PCDHGA2: variants seen among roughly 807,000 people sequenced by gnomAD.
PCDHGA2 encodes protocadherin gamma subfamily A, 2.
A neutral mutation model predicts 59.2 loss-of-function variants in PCDHGA2; 40 were observed. That is an observed-to-expected ratio of 0.68 (90% CI 0.52 to 0.88). The LOEUF (loss-of-function observed/expected upper bound fraction) is 0.88. PCDHGA2 is among the 40% of genes least tolerant of loss of function. The probability of loss-of-function intolerance (pLI) is 0.00; values close to 1 mark genes in which losing one functional copy is unlikely to be tolerated. For synonymous variants in PCDHGA2, 560 were observed against 526.0 expected (o/e 1.06, Z -0.89); for missense variants, 1,226 against 1,204.0 (o/e 1.02, Z -0.27).
In PCDHGA2 at chr5:141,499,676, C is replaced by G. The variant is rs534287777; in HGVS notation, c.2483+4811C>G. On this transcript the variant is annotated intron_variant, in intron 2 of 3. Coordinates refer to ENST00000394576, the MANE Select transcript of PCDHGA2 (RefSeq NM_018915.4). Reference sequence around the variant, plus strand: ...ATAATTTCATCTTGGTCTCCACCATCTTTAACAGATGACTTTTTTTTTTTT... The same window carrying G: ...ATAATTTCATCTTGGTCTCCACCATGTTTAACAGATGACTTTTTTTTTTTT... Among the ~76,000 whole-genome samples, 13 of 144,474 alleles carry G rather than the reference C, an allele frequency of 9.0e-5. No homozygotes were observed. In the South Asian group the frequency reaches 2.9e-3, roughly 33 times the overall value. The allele number at this position is 144,474 out of a possible 152,430, so 94.8% of individuals were successfully genotyped here.
intron 1 of PCDHGA2, chr5:141,397,905 G>C: frequency 1.5e-6 from 1 of 659,508 alleles, no homozygotes; most frequent in East Asian, 2.8e-5. Flanking sequence ...GCAGAGCTTG[G>C]CGCTCCAGAT....
chr5:141,389,171 C>G (rs772221999), intron 1 of PCDHGA2: 11 of 1,613,892 alleles, frequency 6.8e-6, no homozygotes, highest in Admixed American at 3.3e-5. Context: ...GCAAGCCTCC[C>G]CTCTCCTCCA....
chr5:141,414,007 A>G (rs1047239460), intron 1 of PCDHGA2: 2 of 1,613,292 alleles, frequency 1.2e-6, no homozygotes, highest in Non-Finnish European at 1.7e-6. Flanking sequence ...CGAAGGTGCC[A>G]ATGGAGAAGT....
intron 1 of PCDHGA2, among the ~76,000 whole-genome samples, chr5:141,437,434 G>T (rs183505868): frequency 2.6e-5 from 4 of 152,194 alleles, no homozygotes; most frequent in East Asian, 3.8e-4. Context: ...AGCAGCAATA[G>T]CATAGGAATG....
chr5:141,458,593 C>T (rs1352799952), intron 1 of PCDHGA2, among the ~76,000 whole-genome samples: 4 of 151,402 alleles, frequency 2.6e-5, no homozygotes, highest in Non-Finnish European at 5.9e-5. Flanking sequence ...GTTTTGGAGA[C>T]GAGTCTCACT....
At chr5:141,380,834 G>T (rs559775684) in intron 1 of PCDHGA2, among the ~76,000 whole-genome samples, 2 of 152,154 alleles carry the variant, frequency 1.3e-5, no homozygotes, top group Admixed American at 1.3e-4. Flanking sequence ...TGAGGCATCA[G>T]GTAAAAATGG....
rs1488637412 is a variant in PCDHGA2, at chr5:141,339,001, C to A, written c.30C>A (p.Cys10Ter). The change falls in exon 1 of 4, where the codon TGC becomes TGA. Residue 10 changes from cysteine (C) to a stop codon, truncating the protein, a stop_gained. Transcript: ENST00000394576. LOFTEE classifies it high-confidence loss of function. ...CGGCTCTGCAAAAGTTGCCACACTG[C>A]AGAAAGCTGGTCCTGCTGTGCTTCC... MAALQKLPH[C>*]RKLVLLCFLL... 3 of 1,558,506 alleles carry A rather than the reference C, an allele frequency of 1.9e-6. No homozygotes were observed. The highest frequency in any genetic ancestry group is 2.0e-5 in the Admixed American group (1 of 49,984).
At chr5:141,345,110 G>A in intron 1 of PCDHGA2, 1 of 1,613,944 alleles carries the variant, frequency 6.2e-7, no homozygotes, top group East Asian at 2.2e-5. Context: ...TCCCAGAAGA[G>A]GGCACCGTTG....
chr5:141,422,150 T>C (rs773805631), intron 1 of PCDHGA2: 23 of 1,577,056 alleles, frequency 1.5e-5, no homozygotes, highest in Non-Finnish European at 1.8e-5. Context: ...CGGGGGTCTC[T>C]GGATTTTGAA....
intron 1 of PCDHGA2, among the ~76,000 whole-genome samples, chr5:141,436,809 A>T (rs2097847373): frequency 6.6e-6 from 1 of 152,242 alleles, no homozygotes; most frequent in Non-Finnish European, 1.5e-5. Context: ...TTTTTGTGAC[A>T]GCTGGTTTAA....
chr5:141,389,618 C>T (rs1224398489), intron 1 of PCDHGA2: 46 of 1,612,930 alleles, frequency 2.9e-5, no homozygotes, highest in Middle Eastern at 1.7e-4. Flanking sequence ...TGGTGCCGCA[C>T]GCTGCAGAGC....
chr5:141,451,212 G>A (rs2098710632), intron 1 of PCDHGA2, among the ~76,000 whole-genome samples: 1 of 152,156 alleles, frequency 6.6e-6, no homozygotes, highest in Non-Finnish European at 1.5e-5. Context: ...AAACTTAGTG[G>A]CTTAAAAGAA....
intron 1 of PCDHGA2, chr5:141,375,741 T>C (rs1374220780): frequency 1.9e-6 from 3 of 1,614,246 alleles, no homozygotes; most frequent in South Asian, 2.2e-5. Flanking sequence ...CTGTTTGTGC[T>C]GGACCAGAAT....
intron 1 of PCDHGA2, chr5:141,351,709 C>G (rs780183038): frequency 6.2e-7 from 1 of 1,613,900 alleles, no homozygotes. Flanking sequence ...ACGGCAGAGT[C>G]TCCTACTCTA....
chr5:141,430,826 C>T (rs993762069), intron 1 of PCDHGA2: 1 of 1,550,298 alleles, frequency 6.5e-7, no homozygotes, highest in Non-Finnish European at 8.7e-7. Context: ...CCTGGGGACT[C>T]TGTGGGAGAC....
chr5:141,361,770 C>T, intron 1 of PCDHGA2: 1 of 1,613,188 alleles, frequency 6.2e-7, no homozygotes. Flanking sequence ...TCAGCGCCAA[C>T]GTGAGCCTGC....
chr5:141,404,085 A>G, intron 1 of PCDHGA2: 1 of 1,613,618 alleles, frequency 6.2e-7, no homozygotes, highest in South Asian at 1.1e-5. Context: ...GACTCCGGGA[A>G]GAATGGTCAA....
At chr5:141,423,711 T>C (rs1479409204) in intron 1 of PCDHGA2, 1 of 1,330,004 alleles carries the variant, frequency 7.5e-7, no homozygotes, top group Non-Finnish European at 9.6e-7. Flanking sequence ...GCACAAGTCT[T>C]TTAAGGAGAT....
chr5:141,485,661 G>A lies in PCDHGA2; in HGVS notation c.2425-9146G>A. On this transcript the variant is annotated intron_variant, in intron 1 of 3. Transcript: ENST00000394576. This position sits in a 1 kb window ranked among gnomAD's most constrained non-coding sequence, Gnocchi z 5.7. ...GAAAAGGCTCAGGATGCAGATGTGGGGAGCAATTCGATTAGCAGCTATAGG... is the reference window on the plus strand; with the variant it reads ...GAAAAGGCTCAGGATGCAGATGTGGAGAGCAATTCGATTAGCAGCTATAGG... 2 of 1,612,678 alleles carry A rather than the reference G, an allele frequency of 1.2e-6. No individual in the cohort carries two copies. Among genetic ancestry groups the A allele is most frequent in the Non-Finnish European group, 1.7e-6 (2 of 1,178,884 alleles).
Sources: gnomAD v4.1 joint callset for allele counts (sites outside exome capture counted in the v4.1 genomes callset) on GRCh38, gnomAD v4.1.1 for gene constraint, Gnocchi (gnomAD v3.1) non-coding constraint, MANE v1.5 for transcripts, NCBI Gene and HGNC (gene_info 2026-07-23, HGNC 2026-07-21) for gene names.